ASTN2: variants seen among roughly 807,000 people sequenced by gnomAD.
ASTN2 encodes the protein astrotactin 2, also known as astrotactin-2.
ASTN2 carries 54 observed loss-of-function variants against 139.8 expected under a neutral mutation model. The ratio of observed to expected loss-of-function variants is 0.39; its 90% CI spans 0.31 to 0.48. The LOEUF (loss-of-function observed/expected upper bound fraction) is 0.48, where lower values mean the gene tolerates loss of function less well. ASTN2 is among the 20% of genes least tolerant of loss of function. The pLI, the probability that ASTN2 is intolerant of heterozygous loss-of-function variation, is 0.95. For synonymous variants in ASTN2, 756 were observed against 719.5 expected (o/e 1.05, Z -0.81); for missense variants, 1,565 against 1,725.1 (o/e 0.91, Z 1.64).
intron 7 of ASTN2, among the ~76,000 whole-genome samples, chr9:116,983,356 T>C (rs936060332): frequency 6.6e-5 from 10 of 152,200 alleles, no homozygotes; most frequent in African/African-American, 2.2e-4. Flanking sequence ...TTGACATGTG[T>C]CATTGCATGT....
chr9:117,109,809 T>C (rs779744286), intron 4 of ASTN2, among the ~76,000 whole-genome samples: 5 of 152,242 alleles, frequency 3.3e-5, no homozygotes, highest in African/African-American at 4.8e-5. Flanking sequence ...ATTGACAATT[T>C]TGAAGCCTCA....
At chr9:117,323,833 T>C (rs569693668) in intron 1 of ASTN2, among the ~76,000 whole-genome samples, 53 of 152,304 alleles carry the variant, frequency 3.5e-4, no homozygotes, top group Admixed American at 1.2e-3. Context: ...ATGACACACA[T>C]ACTTTGTTGA....
At chr9:117,229,855 A>C (rs759754287) in intron 2 of ASTN2, among the ~76,000 whole-genome samples, 5 of 151,962 alleles carry the variant, frequency 3.3e-5, no homozygotes, top group Non-Finnish European at 5.9e-5. Flanking sequence ...GAAAGTCTTT[A>C]TTTCTGGCCA....
Position 116,736,876 on chromosome 9 carries a change from CCTT to C in ASTN2, c.2397-3356_2397-3354del, listed in dbSNP as rs527718851. ...ATGTCCCTCTCTTCCAATCCTTCTGCCTTCTTATCAAGTCACTCTTAGCTCTGC... is the reference window on the plus strand; with the variant it reads ...ATGTCCCTCTCTTCCAATCCTTCTGCCTTATCAAGTCACTCTTAGCTCTGC... On this transcript the variant is annotated intron_variant, in intron 13 of 22. Coordinates refer to ENST00000313400, the MANE Select transcript of ASTN2 (RefSeq NM_001365068.1). Among the ~76,000 whole-genome samples, 238 of 152,292 alleles carry C rather than the reference CCTT, an allele frequency of 1.6e-3. 3 individuals are homozygous for C. Among genetic ancestry groups the C allele is most frequent in the African/African-American group, 5.6e-3 (231 of 41,562 alleles).
At chr9:116,964,261 G>GCA (rs1014957213) in intron 10 of ASTN2, among the ~76,000 whole-genome samples, 15 of 149,746 alleles carry the variant, frequency 1.0e-4, no homozygotes, top group Non-Finnish European at 1.8e-4. Flanking sequence ...GTGTGTGCGC[G>GCA]CGCGCGCGTG....
At chr9:117,143,766 G>C (rs1830128045) in intron 3 of ASTN2, among the ~76,000 whole-genome samples, 1 of 151,660 alleles carries the variant, frequency 6.6e-6, no homozygotes, top group African/African-American at 2.4e-5. Context: ...TCTCCTCCCT[G>C]TGTCCTCACT....
intron 2 of ASTN2, among the ~76,000 whole-genome samples, chr9:117,285,920 T>C (rs888658860): frequency 3.3e-5 from 5 of 152,170 alleles, no homozygotes; most frequent in African/African-American, 1.2e-4. Flanking sequence ...ACCAAACATT[T>C]CTTTTCATCC....
intron 13 of ASTN2, among the ~76,000 whole-genome samples, chr9:116,784,695 T>C (rs1830316449): frequency 6.6e-6 from 1 of 152,002 alleles, no homozygotes; most frequent in Non-Finnish European, 1.5e-5. Context: ...TTTGGGAAGT[T>C]GAGGTGGGTG....
intron 10 of ASTN2, among the ~76,000 whole-genome samples, chr9:116,904,462 C>A (rs776361938): frequency 2.0e-5 from 3 of 152,148 alleles, no homozygotes; most frequent in Admixed American, 2.0e-4. Flanking sequence ...TCCTGGGAGC[C>A]AGACTGCCTG....
chr9:116,591,376 T>C (rs1373650386), intron 19 of ASTN2, among the ~76,000 whole-genome samples: 6 of 152,162 alleles, frequency 3.9e-5, no homozygotes, highest in Non-Finnish European at 7.3e-5. Context: ...CTATGTGCAG[T>C]AGCTGCACCC....
intron 19 of ASTN2, among the ~76,000 whole-genome samples, chr9:116,547,840 C>A (rs532385292): frequency 6.6e-6 from 1 of 152,078 alleles, no homozygotes; most frequent in African/African-American, 2.4e-5. Context: ...ACCTGAGCTG[C>A]CCCCCAAGCT....
intron 1 of ASTN2, among the ~76,000 whole-genome samples, chr9:117,373,745 A>AAAAAG (rs1292973805): frequency 6.6e-6 from 1 of 152,224 alleles, no homozygotes. Context: ...ATTTTGCCAG[A>AAAAAG]AAAAGAAAAG....
chr9:116,571,071 G>T lies in ASTN2; in HGVS notation c.3355+47253C>A, dbSNP rs140482580. ...CACAGGTCAGGATTAAATGAGATGG[G>T]GAAGATTGGAGCTGATCTCCCTGGA... On this transcript the variant is annotated intron_variant, in intron 19 of 22. Transcript: ENST00000313400. Among the ~76,000 whole-genome samples, 663 of 152,282 alleles carry T rather than the reference G, an allele frequency of 4.4e-3. 7 individuals are homozygous for T. The highest frequency in any genetic ancestry group is 0.015 in the African/African-American group (626 of 41,548).
intron 3 of ASTN2, among the ~76,000 whole-genome samples, chr9:117,161,643 C>T (rs1276889377): frequency 6.6e-6 from 1 of 152,066 alleles, no homozygotes; most frequent in Non-Finnish European, 1.5e-5. Context: ...ATCTGCCCAC[C>T]TTGGCCTCTC....
At chr9:117,008,285 C>G (rs772348948) in intron 6 of ASTN2, 26 bp from the exon 7 acceptor site, 22 of 1,555,286 alleles carry the variant, frequency 1.4e-5, no homozygotes, top group Non-Finnish European at 1.9e-5. Flanking sequence ...GAGACAGATA[C>G]TTTCTTACTG....
intron 13 of ASTN2, among the ~76,000 whole-genome samples, chr9:116,736,554 C>T (rs934195222): frequency 3.3e-5 from 5 of 152,266 alleles, no homozygotes; most frequent in Non-Finnish European, 4.4e-5. Flanking sequence ...AAGAGGAGGA[C>T]CTTGCTGCTC....
intron 4 of ASTN2, among the ~76,000 whole-genome samples, chr9:117,119,828 G>A (rs1829494556): frequency 6.6e-6 from 1 of 151,672 alleles, no homozygotes; most frequent in Non-Finnish European, 1.5e-5. Context: ...TTCATAGGAA[G>A]ATGGGGTTTG....
chr9:116,813,468 A>C (rs942588332), intron 12 of ASTN2, among the ~76,000 whole-genome samples: 1 of 152,146 alleles, frequency 6.6e-6, no homozygotes. Flanking sequence ...AAAAGCCAGA[A>C]CCTTGACTTG....
At chr9:117,189,561 A>T (rs1831293854) in intron 3 of ASTN2, among the ~76,000 whole-genome samples, 1 of 152,164 alleles carries the variant, frequency 6.6e-6, no homozygotes. Context: ...AATAGCTTCC[A>T]TTTCTTGAGT....
Sources: allele counts gnomAD v4.1 joint callset (sites outside exome capture counted in the v4.1 genomes callset), GRCh38; gene constraint gnomAD v4.1.1; transcripts MANE v1.5; gene names NCBI Gene and HGNC (gene_info 2026-07-23, HGNC 2026-07-21).